The following FBXL17 variants were observed in gnomAD, a reference collection of about 807,000 sequenced individuals.
The protein encoded by FBXL17 is F-box/LRR-repeat protein 17.
In FBXL17, 22 loss-of-function variants were observed where a neutral mutation model predicts 66.2. The ratio of observed to expected loss-of-function variants is 0.33; its 90% CI spans 0.24 to 0.47. The LOEUF (loss-of-function observed/expected upper bound fraction) is 0.47. Among genes scored for constraint, FBXL17 ranks in the 20% least tolerant of loss-of-function variants. The probability of loss-of-function intolerance (pLI) is 1.00; values close to 1 mark genes in which losing one functional copy is unlikely to be tolerated. For synonymous variants in FBXL17, 474 were observed against 400.5 expected (o/e 1.18, Z -2.19); for missense variants, 878 against 948.2 (o/e 0.93, Z 0.97).
intron 4 of FBXL17, among the ~76,000 whole-genome samples, chr5:108,290,024 A>G (rs547575591): frequency 1.3e-5 from 2 of 152,308 alleles, no homozygotes; most frequent in African/African-American, 4.8e-5. Context: ...AGATAAGAGA[A>G]ACCAAGGGAT....
In FBXL17 at chr5:108,381,996, G is replaced by C. The variant is rs966579529; in HGVS notation, c.-305C>G. ...CGGCTAGGCGACCAGTCCGGGCCCG[G>C]CCAGCCGGCTCAGTCAGTCAGCGGA... On this transcript the variant is annotated 5_prime_UTR_variant, in exon 1 of 9. Coordinates refer to ENST00000542267, the MANE Select transcript of FBXL17 (RefSeq NM_001163315.3). 8 of 1,167,390 alleles carry C rather than the reference G, an allele frequency of 6.9e-6. No individual in the cohort carries two copies. In the African/African-American group the frequency reaches 9.6e-5, roughly 14 times the overall value. The allele number at this position is 1,167,390 out of a possible 1,614,324, so 72.3% of individuals were successfully genotyped here.
intron 1 of FBXL17, among the ~76,000 whole-genome samples, chr5:108,376,167 C>A (rs1488566834): frequency 1.3e-5 from 2 of 152,204 alleles, no homozygotes; most frequent in African/African-American, 4.8e-5. Flanking sequence ...CCCTAGTTAT[C>A]ATTATACTTA....
chr5:108,367,583 G>T (rs780582313), intron 2 of FBXL17, among the ~76,000 whole-genome samples: 1 of 151,854 alleles, frequency 6.6e-6, no homozygotes, highest in African/African-American at 2.4e-5. Flanking sequence ...AAAAGGTAAT[G>T]AAAAAAGACA....
chr5:108,355,724 C>T (rs774147087), intron 3 of FBXL17, among the ~76,000 whole-genome samples: 2 of 151,642 alleles, frequency 1.3e-5, no homozygotes, highest in Non-Finnish European at 2.9e-5. Context: ...GAAAAAAAAC[C>T]AACTATGATT....
intron 6 of FBXL17, among the ~76,000 whole-genome samples, chr5:108,081,213 A>C (rs1002905228): frequency 6.6e-6 from 1 of 152,126 alleles, no homozygotes; most frequent in African/African-American, 2.4e-5. Flanking sequence ...GAATTCCAAA[A>C]GGAGGAGAGT....
intron 4 of FBXL17, among the ~76,000 whole-genome samples, chr5:108,308,578 A>G (rs993674515): frequency 4.6e-5 from 7 of 151,948 alleles, no homozygotes; most frequent in African/African-American, 1.7e-4. Flanking sequence ...TGGGAAGAAA[A>G]CCTCCGTCAT....
At chr5:108,305,996 C>T (rs1211057452) in intron 4 of FBXL17, among the ~76,000 whole-genome samples, 1 of 152,028 alleles carries the variant, frequency 6.6e-6, no homozygotes, top group Non-Finnish European at 1.5e-5. Flanking sequence ...TAATACTGAT[C>T]TAGGATACTG....
intron 6 of FBXL17, among the ~76,000 whole-genome samples, chr5:108,046,615 G>A (rs1335359477): frequency 6.6e-6 from 1 of 151,894 alleles, no homozygotes; most frequent in African/African-American, 2.4e-5. Context: ...CTTTCTAAAT[G>A]GTTGCTCTAG....
At chr5:108,257,681 C>T (rs563325302) in intron 4 of FBXL17, among the ~76,000 whole-genome samples, 1 of 152,204 alleles carries the variant, frequency 6.6e-6, no homozygotes, top group Non-Finnish European at 1.5e-5. Context: ...ACTAAAGTGG[C>T]AGAACCAAGA....
At chr5:108,143,960 A>G (rs1265712697) in intron 6 of FBXL17, among the ~76,000 whole-genome samples, 2 of 152,130 alleles carry the variant, frequency 1.3e-5, no homozygotes, top group African/African-American at 2.4e-5. Flanking sequence ...TAATGGAAAA[A>G]ACTTATAACT....
chr5:108,039,614 C>T (rs1746972010), intron 6 of FBXL17, among the ~76,000 whole-genome samples: 1 of 151,984 alleles, frequency 6.6e-6, no homozygotes, highest in Admixed American at 6.6e-5. Flanking sequence ...ATTATAAGTA[C>T]CAGAATTTAA....
chr5:107,992,803 T>C (rs1017166574), intron 7 of FBXL17, among the ~76,000 whole-genome samples: 1 of 152,182 alleles, frequency 6.6e-6, no homozygotes, highest in African/African-American at 2.4e-5. Context: ...ACTGATTGTT[T>C]TACAGCAAAT....
intron 4 of FBXL17, among the ~76,000 whole-genome samples, chr5:108,313,216 G>A (rs1343323702): frequency 6.6e-6 from 1 of 152,082 alleles, no homozygotes; most frequent in Admixed American, 6.6e-5. Context: ...CCATATTGAA[G>A]TACAGACAAT....
chr5:108,122,388 A>G (rs960248331), intron 6 of FBXL17, among the ~76,000 whole-genome samples: 11 of 152,234 alleles, frequency 7.2e-5, no homozygotes, highest in African/African-American at 2.7e-4. Flanking sequence ...ACTATACTTC[A>G]TAAAGAAATA....
At chr5:107,891,556 T>C (rs757828650) in intron 7 of FBXL17, among the ~76,000 whole-genome samples, 5 of 151,938 alleles carry the variant, frequency 3.3e-5, no homozygotes, top group African/African-American at 9.7e-5. Flanking sequence ...AGAGAAGGGG[T>C]TGAATTTTGA....
intron 4 of FBXL17, among the ~76,000 whole-genome samples, chr5:108,270,302 T>C (rs1045755349): frequency 6.6e-6 from 1 of 151,894 alleles, no homozygotes; most frequent in Non-Finnish European, 1.5e-5. Context: ...CTACAATCCA[T>C]TCCACTCATA....
chr5:108,158,532 T>TGTGC (rs1554070468), intron 6 of FBXL17, among the ~76,000 whole-genome samples: 3 of 151,306 alleles, frequency 2.0e-5, no homozygotes, highest in Non-Finnish European at 4.4e-5. Context: ...TGTGTGTGTG[T>TGTGC]GCATCCACAT....
At chr5:107,936,907 CT>C (rs1244761631) in intron 7 of FBXL17, among the ~76,000 whole-genome samples, 1 of 151,892 alleles carries the variant, frequency 6.6e-6, no homozygotes, top group African/African-American at 2.4e-5. Context: ...GTCTTTCACA[CT>C]TTTTTTAAGT....
chr5:108,001,490 GT>G (rs574977045), intron 7 of FBXL17, among the ~76,000 whole-genome samples: 17 of 151,276 alleles, frequency 1.1e-4, no homozygotes, highest in South Asian at 6.3e-4. Flanking sequence ...AGGAAAATTA[GT>G]TTTTTTTTGT....
Sources: allele counts gnomAD v4.1 joint callset (sites outside exome capture counted in the v4.1 genomes callset), GRCh38; gene constraint gnomAD v4.1.1; transcripts MANE v1.5; gene names NCBI Gene and HGNC (gene_info 2026-07-23, HGNC 2026-07-21).